Variants in GUCA1C observed in about 807,000 individuals in gnomAD.
GUCA1C encodes guanylate cyclase activator 1C.
A neutral mutation model predicts 16.2 loss-of-function variants in GUCA1C; 15 were observed. The ratio of observed to expected loss-of-function variants is 0.93; its 90% CI spans 0.62 to 1.43. GUCA1C has a LOEUF of 1.43. Among genes scored for constraint, GUCA1C ranks in the 40% most tolerant of loss-of-function variants. The pLI is 0.00. For missense variants in GUCA1C, 275 were observed against 244.8 expected (o/e 1.12, Z -0.82); for synonymous variants, 78 against 85.4 (o/e 0.91, Z 0.48).
chr3:108,921,974 C>T (rs566964337), intron 1 of GUCA1C, among the ~76,000 whole-genome samples: 3 of 152,064 alleles, frequency 2.0e-5, no homozygotes, highest in Non-Finnish European at 4.4e-5. Context: ...ATTCTTATAC[C>T]TTTGCATCCT....
At chr3:108,953,490 A>G (rs1016782958) in intron 1 of GUCA1C, 69 bp downstream of exon 1, 10,373 of 382,418 alleles carry the variant, frequency 0.027, 10 homozygotes, top group Admixed American at 0.047. Flanking sequence ...TTTTACAGGA[A>G]AAAAAAAAAA....
rs553451043 is a variant in GUCA1C at position 108,944,651 on chromosome 3, A to G, written c.204+8908T>C. ...AGCCCCTAATGCAACCCCGTGTCTC[A>G]TTTGCTGGCTCTGGGCAGCTTGTTT... is the stretch of plus-strand genomic sequence containing the variant. On this transcript the variant is annotated intron_variant, in intron 1 of 3. Coordinates refer to ENST00000261047, the MANE Select transcript of GUCA1C (RefSeq NM_005459.4). 9.3e-4 allele frequency among the ~76,000 whole-genome samples: 141 copies of G among 152,154 alleles called. 2 individuals are homozygous for G. In the South Asian group the frequency reaches 0.029, roughly 31 times the overall value.
intron 1 of GUCA1C, among the ~76,000 whole-genome samples, chr3:108,925,912 C>A (rs562989769): frequency 6.6e-6 from 1 of 152,174 alleles, no homozygotes; most frequent in Non-Finnish European, 1.5e-5. Flanking sequence ...CATGGTGAAA[C>A]CCTGTCTCTA....
chr3:108,950,764 TAAC>T (rs1268448538), intron 1 of GUCA1C, among the ~76,000 whole-genome samples: 1 of 152,068 alleles, frequency 6.6e-6, no homozygotes, highest in African/African-American at 2.4e-5. Context: ...ATTAATATTA[TAAC>T]AATAAGAAAG....
Position 108,953,626 on chromosome 3 carries a change from A to T in GUCA1C, c.137T>A (p.Leu46Gln), listed in dbSNP as rs1946920804. 3 of 1,613,418 alleles carry T rather than the reference A, an allele frequency of 1.9e-6. No individual in the cohort carries two copies. In the East Asian group the frequency reaches 6.7e-5, roughly 36 times the overall value. Residue 46 changes from leucine to glutamine, a missense_variant, in exon 1 of 4, where the codon CTG (leucine) becomes CAG (glutamine). Coordinates refer to ENST00000261047, the MANE Select transcript of GUCA1C (RefSeq NM_005459.4). ...ATTGGCCTTCTGATTCAGACCTTGC[A>T]GACCCAAAAGTGTCTTAAATTCATG... ...TLHEFKTLLG[L>Q]QGLNQKANKH...
At chr3:108,935,232 A>G (rs1946713442) in intron 1 of GUCA1C, among the ~76,000 whole-genome samples, 1 of 152,004 alleles carries the variant, frequency 6.6e-6, no homozygotes, top group Non-Finnish European at 1.5e-5. Flanking sequence ...TTGAAAAACT[A>G]CCTATTGGGT....
At chr3:108,943,569 C>G (rs1325394469) in intron 1 of GUCA1C, among the ~76,000 whole-genome samples, 1 of 152,178 alleles carries the variant, frequency 6.6e-6, no homozygotes, top group African/African-American at 2.4e-5. Flanking sequence ...AGATTCTCCC[C>G]CAACACCTTG....
chr3:108,917,316 G>A (rs1006229877), intron 2 of GUCA1C, among the ~76,000 whole-genome samples: 1 of 152,092 alleles, frequency 6.6e-6, no homozygotes, highest in African/African-American at 2.4e-5. Flanking sequence ...GTGAGATCTT[G>A]ATTTGTTCAT....
At chr3:108,934,691 A>AG (rs201621643) in intron 1 of GUCA1C, among the ~76,000 whole-genome samples, 3,778 of 152,290 alleles carry the variant, frequency 0.025, 71 homozygotes, top group Non-Finnish European at 0.039. Context: ...CAGCCGAAAA[A>AG]CAGAACAAAA....
At chr3:108,919,588 G>A (rs370494802) in intron 2 of GUCA1C, among the ~76,000 whole-genome samples, 17 of 151,988 alleles carry the variant, frequency 1.1e-4, no homozygotes, top group Admixed American at 2.0e-4. Flanking sequence ...CTCTACATTC[G>A]CTTATTTAGC....
chr3:108,923,412 T>G (rs191833203), intron 1 of GUCA1C, among the ~76,000 whole-genome samples: 1 of 152,336 alleles, frequency 6.6e-6, no homozygotes, highest in African/African-American at 2.4e-5. Context: ...AGGGTGTTCT[T>G]TCCCCCACTT....
intron 1 of GUCA1C, among the ~76,000 whole-genome samples, chr3:108,926,530 G>C (rs572425651): frequency 6.6e-6 from 1 of 152,344 alleles, no homozygotes; most frequent in Non-Finnish European, 1.5e-5. Flanking sequence ...CCCCAGGCTG[G>C]AGTGCAGTGG....
intron 1 of GUCA1C, among the ~76,000 whole-genome samples, chr3:108,940,951 T>C (rs1051654986): frequency 9.2e-5 from 14 of 152,114 alleles, no homozygotes; most frequent in Non-Finnish European, 1.9e-4. Flanking sequence ...CAAGTAAGGG[T>C]CAGAGTGGGG....
At chr3:108,915,111 G>A (rs942384879) in intron 3 of GUCA1C, among the ~76,000 whole-genome samples, 1 of 151,816 alleles carries the variant, frequency 6.6e-6, no homozygotes, top group Non-Finnish European at 1.5e-5. Flanking sequence ...GGCTGCATTT[G>A]AGCTTCCTCC....
chr3:108,933,492 A>G (rs1946691699), intron 1 of GUCA1C, among the ~76,000 whole-genome samples: 2 of 152,108 alleles, frequency 1.3e-5, no homozygotes. Flanking sequence ...ATATATTGTG[A>G]ATCGTTTCAT....
At chr3:108,914,079 AATAG>A (rs1946483911) in intron 3 of GUCA1C, among the ~76,000 whole-genome samples, 2 of 152,154 alleles carry the variant, frequency 1.3e-5, no homozygotes, top group Non-Finnish European at 2.9e-5. Context: ...TAATAATAAT[AATAG>A]TAATACAAGT....
rs966440975 is a variant in GUCA1C, at chr3:108,909,469, A to T, written c.443-1260T>A. Among the ~76,000 whole-genome samples the T allele has an allele frequency of 2.6e-5, 4 of 152,320 alleles. No homozygotes were observed. In the South Asian group the frequency reaches 8.3e-4, roughly 32 times the overall value. ...GTAGGGAACCTCAAACAATCACAGA[A>T]TAACCGCCCTTTGCAAAAGAAAATC... is the stretch of plus-strand genomic sequence containing the variant. On this transcript the variant is annotated intron_variant, in intron 3 of 3. Coordinates refer to ENST00000261047, the MANE Select transcript of GUCA1C (RefSeq NM_005459.4).
rs772831447 is a variant in GUCA1C at position 108,953,773 on chromosome 3, A to C, written c.-11T>G. The C allele has an allele frequency of 6.3e-7, 1 of 1,598,410 alleles. No individual in the cohort carries two copies. Among genetic ancestry groups the C allele is most frequent in the South Asian group, 1.1e-5 (1 of 90,766 alleles). On this transcript the variant is annotated 5_prime_UTR_variant, in exon 1 of 4. Transcript: ENST00000261047. ...TTTGCCATTCCCCATCTTGACTCAC[A>C]GTCTACAGCTTTTCCTCAGGTTGTT...
At chr3:108,945,672 T>C (rs1382402023) in intron 1 of GUCA1C, among the ~76,000 whole-genome samples, 1 of 152,174 alleles carries the variant, frequency 6.6e-6, no homozygotes, top group Non-Finnish European at 1.5e-5. Context: ...CATCCTGTTT[T>C]TAAGCATGTA....
Sources: allele counts gnomAD v4.1 joint callset (sites outside exome capture counted in the v4.1 genomes callset), GRCh38; gene constraint gnomAD v4.1.1; transcripts MANE v1.5; gene names NCBI Gene and HGNC (gene_info 2026-07-23, HGNC 2026-07-21).